The following OR4D9 variants were observed in gnomAD, a reference collection of about 807,000 sequenced individuals.
OR4D9 encodes the protein olfactory receptor 4D9.
Under a neutral mutation model 0.8 loss-of-function variants are expected in OR4D9, and 2 were observed. The ratio of observed to expected loss-of-function variants is 2.58; its 90% CI spans 1.06 to 8.13. The LOEUF (loss-of-function observed/expected upper bound fraction) is 8.13, where lower values mean the gene tolerates loss of function less well. Among genes scored for constraint, OR4D9 ranks in the 30% most tolerant of loss-of-function variants. The pLI is 0.04. For synonymous variants in OR4D9, 146 were observed against 151.2 expected (o/e 0.97, Z 0.25); for missense variants, 399 against 384.7 (o/e 1.04, Z -0.31).
rs569452042 is a variant in OR4D9, at chr11:59,515,694, C to A, written c.782C>A (p.Pro261His). The A allele has an allele frequency of 1.2e-6, 2 of 1,613,986 alleles. No individual in the cohort carries two copies. The highest frequency in any genetic ancestry group is 1.7e-6 in the Non-Finnish European group (2 of 1,180,038). ...FVPCIYVYAR[P>H]FTALPTDTAI... ...CCCTGCATCTATGTCTATGCCCGGCCCTTCACTGCCCTCCCCACAGACACT... is the reference window on the plus strand; with the variant it reads ...CCCTGCATCTATGTCTATGCCCGGCACTTCACTGCCCTCCCCACAGACACT... Residue 261 changes from proline (P) to histidine (H), a missense_variant, in exon 3 of 3, where the codon CCC (proline) becomes CAC (histidine). Physicochemically the swap from Pro to His is moderately conservative, Grantham distance 77. Transcript: ENST00000641962.
rs1859466828 is a variant in OR4D9, at chr11:59,520,684, A to G, written c.*4827A>G. 1 of 152,094 alleles carries G rather than the reference A, an allele frequency of 6.6e-6. No homozygotes were observed. Among genetic ancestry groups the G allele is most frequent in the South Asian group, 2.1e-4 (1 of 4,824 alleles). The allele number at this position is 152,094 out of a possible 1,614,324, so 9.4% of individuals were successfully genotyped here. ...GGGTTTTATTTTTTCTTTTCCTTGCAATGATTGTTACAATGTGCTTTGGAC... is the reference window on the plus strand; with the variant it reads ...GGGTTTTATTTTTTCTTTTCCTTGCGATGATTGTTACAATGTGCTTTGGAC... On this transcript the variant is annotated 3_prime_UTR_variant, in exon 3 of 3. Transcript: ENST00000641962.
Position 59,514,916 on chromosome 11 carries a change from G to A in OR4D9, c.4G>A (p.Asp2Asn). Residue 2 changes from aspartate (D) to asparagine (N), a missense_variant, in exon 3 of 3, where the codon GAT becomes AAT. Coordinates refer to ENST00000641962, the MANE Select transcript of OR4D9 (RefSeq NM_001004711.2). ...CTGATAAAGGATCTGTGATTCAATG[G>A]ATCAGAGAAATTACACCAGAGTGAA... is the stretch of plus-strand genomic sequence containing the variant. MDQRNYTRVKEF... is the reference protein window; with the variant it reads MNQRNYTRVKEF... The A allele has an allele frequency of 6.3e-7, 1 of 1,593,702 alleles. No individual in the cohort carries two copies. The highest frequency in any genetic ancestry group is 8.6e-7 in the Non-Finnish European group (1 of 1,164,018).
In OR4D9 at chr11:59,518,654, T is replaced by A. The variant is rs1859435522; in HGVS notation, c.*2797T>A. 1 of 152,312 alleles carries A rather than the reference T, an allele frequency of 6.6e-6. No homozygotes were observed. Among genetic ancestry groups the A allele is most frequent in the East Asian group, 1.9e-4 (1 of 5,172 alleles). 9.4% of individuals were successfully genotyped at this position (152,312 alleles called of 1,614,324 possible). A position where few individuals can be genotyped will look rare whatever the true frequency, so the allele number is the denominator to read the frequency against. ...CCTCCACTTCAGCCTCCCAAAATGC[T>A]AGAATTACAGGCATGAGACACCTCA... On this transcript the variant is annotated 3_prime_UTR_variant, in exon 3 of 3. Transcript: ENST00000641962.
At position 59,515,749 on chromosome 11, in the gene OR4D9, C is replaced by T. The variant is rs748124965; in HGVS notation, c.837C>T (p.Ser279=). Residue 279 remains serine (S), a synonymous_variant, in exon 3 of 3, where the codon TCC becomes TCT. Transcript: ENST00000641962. ...TAISVTFTVI[S]PLLNPIIYTL... The stretch of plus-strand genomic sequence containing the variant: ...TCTCTGTCACCTTCACTGTCATCTC[C>T]CCTTTGCTCAATCCTATAATTTACA... The T allele has an allele frequency of 5.0e-6, 8 of 1,614,114 alleles. No individual in the cohort carries two copies. The highest frequency in any genetic ancestry group is 8.5e-7 in the Non-Finnish European group (1 of 1,180,028).
chr11:59,515,337 C>G lies in OR4D9; in HGVS notation c.425C>G (p.Thr142Arg). Reference sequence around the variant, plus strand: ...ACCATCATGAGTAGGGGGCGATGCACAGGCCTCATCGTGGCTTCCTGGGTG... The same window carrying G: ...ACCATCATGAGTAGGGGGCGATGCAGAGGCCTCATCGTGGCTTCCTGGGTG... ...YMTIMSRGRCTGLIVASWVGG... is the reference protein window; with the variant it reads ...YMTIMSRGRCRGLIVASWVGG... The change falls in exon 3 of 3, where the codon ACA becomes AGA. Residue 142 changes from threonine (T) to arginine (R), a missense_variant. Physicochemically the swap from Thr to Arg is moderately conservative, Grantham distance 71. Coordinates refer to ENST00000641962, the MANE Select transcript of OR4D9 (RefSeq NM_001004711.2). The G allele has an allele frequency of 1.2e-6, 2 of 1,613,870 alleles. No homozygotes were observed. Among genetic ancestry groups the G allele is most frequent in the South Asian group, 2.2e-5 (2 of 91,034 alleles).
Position 59,520,632 on chromosome 11 carries a change from TA to T in OR4D9, c.*4778del, listed in dbSNP as rs1859465627. 1 of 152,070 alleles carries T rather than the reference TA, an allele frequency of 6.6e-6. No homozygotes were observed. The highest frequency in any genetic ancestry group is 2.4e-5 in the African/African-American group (1 of 41,416). The allele number at this position is 152,070 out of a possible 1,614,324, so 9.4% of individuals were successfully genotyped here. A position where few individuals can be genotyped will look rare whatever the true frequency, so the allele number is the denominator to read the frequency against. On this transcript the variant is annotated 3_prime_UTR_variant, in exon 3 of 3. Coordinates refer to ENST00000641962, the MANE Select transcript of OR4D9 (RefSeq NM_001004711.2). ...TAATAATAACAAAAAAAAGAAAAGA[TA>T]AATGAAGTCAATTGAGGAGATAATA...
chr11:59,515,107 C>T lies in OR4D9; in HGVS notation c.195C>T (p.Asn65=), dbSNP rs771820719. The T allele has an allele frequency of 4.3e-6, 7 of 1,614,034 alleles. No homozygotes were observed. In the Admixed American group the frequency reaches 5.0e-5, roughly 12 times the overall value. Reference sequence around the variant, plus strand: ...CGCCCATGTACTTCCTGCTCCGCAACCTGTCTATTCTTGACATCTGCTTTT... The same window carrying T: ...CGCCCATGTACTTCCTGCTCCGCAATCTGTCTATTCTTGACATCTGCTTTT... The part of the protein sequence containing the change: ...LHTPMYFLLR[N]LSILDICFSS... Residue 65 remains asparagine (N), a synonymous_variant, in exon 3 of 3, where the codon AAC becomes AAT. Coordinates refer to ENST00000641962, the MANE Select transcript of OR4D9 (RefSeq NM_001004711.2).
chr11:59,515,821 A>T lies in OR4D9; in HGVS notation c.909A>T (p.Arg303Ser). ...AGTTGGCCATGAGGAAACTGAAGAG[A>T]CGGCTAGGACAATCAGAAAGGATTT... ...EMKLAMRKLK[R>S]RLGQSERILI... Residue 303 changes from arginine (R) to serine (S), a missense_variant, in exon 3 of 3, where the codon AGA becomes AGT. By Grantham distance (110) the Arg-to-Ser change is moderately radical. Transcript: ENST00000641962. The T allele has an allele frequency of 1.2e-6, 2 of 1,613,846 alleles. No homozygotes were observed. The highest frequency in any genetic ancestry group is 1.7e-6 in the Non-Finnish European group (2 of 1,179,784).
chr11:59,515,714 G>C lies in OR4D9; in HGVS notation c.802G>C (p.Asp268His). Residue 268 changes from aspartate to histidine, a missense_variant, in exon 3 of 3, where the codon GAC (aspartate) becomes CAC (histidine). Asp to His is a moderately conservative substitution (Grantham distance 81). Coordinates refer to ENST00000641962, the MANE Select transcript of OR4D9 (RefSeq NM_001004711.2). Reference protein sequence around the residue: ...YARPFTALPTDTAISVTFTVI... With the variant: ...YARPFTALPTHTAISVTFTVI... ...CCGGCCCTTCACTGCCCTCCCCACA[G>C]ACACTGCCATCTCTGTCACCTTCAC... The C allele has an allele frequency of 6.2e-7, 1 of 1,613,982 alleles. No individual in the cohort carries two copies. Among genetic ancestry groups the C allele is most frequent in the Non-Finnish European group, 8.5e-7 (1 of 1,180,010 alleles).
Position 59,520,453 on chromosome 11 carries a change from A to C in OR4D9, c.*4596A>C. The C allele has an allele frequency of 9.4e-6, 1 of 106,648 alleles. No homozygotes were observed. Among genetic ancestry groups the C allele is most frequent in the Non-Finnish European group, 1.7e-5 (1 of 57,152 alleles). The allele number at this position is 106,648 out of a possible 1,614,324, so 6.6% of individuals were successfully genotyped here. ...GGAAGGGGAACATCACACTCTAGGG[A>C]CTGTTGTGGGGTGGGGGGAGGGGGG... On this transcript the variant is annotated 3_prime_UTR_variant, in exon 3 of 3. Transcript: ENST00000641962.
rs753832398 is a variant in OR4D9, at chr11:59,515,233, G to T, written c.321G>T (p.Leu107=). The change falls in exon 3 of 3, where the codon CTG becomes CTT. Residue 107 remains leucine, a synonymous_variant. Transcript: ENST00000641962. ...CTCAAATGTTCTTCTTCCACCTTCT[G>T]GGGGGAGCAGACGTTTTTTCTCTCT... ...CVTQMFFFHL[L]GGADVFSLSV... 5 of 1,613,550 alleles carry T rather than the reference G, an allele frequency of 3.1e-6. No homozygotes were observed. Among genetic ancestry groups the T allele is most frequent in the Non-Finnish European group, 3.4e-6 (4 of 1,179,916 alleles).
In OR4D9 at chr11:59,515,051, G is replaced by T; in HGVS notation, c.139G>T (p.Val47Phe). 1 of 1,614,056 alleles carries T rather than the reference G, an allele frequency of 6.2e-7. No individual in the cohort carries two copies. Among genetic ancestry groups the T allele is most frequent in the Non-Finnish European group, 8.5e-7 (1 of 1,180,010 alleles). The change falls in exon 3 of 3, where the codon GTT (valine) becomes TTT (phenylalanine). Residue 47 changes from valine to phenylalanine, a missense_variant. Transcript: ENST00000641962. ...TTLMGNFLIM[V>F]TVTCESHLHT... ...TCTAATGGGAAACTTCCTCATCATG[G>T]TTACAGTTACCTGTGAATCTCACCT...
chr11:59,512,292 T>TCCC (rs1859336993), intron 1 of OR4D9, among the ~76,000 whole-genome samples: 1 of 143,684 alleles, frequency 7.0e-6, no homozygotes, highest in African/African-American at 2.6e-5. Context: ...TGATTTTTTT[T>TCCC]CTTTTTTCTT....
chr11:59,519,070 G>T lies in OR4D9; in HGVS notation c.*3213G>T. 1 of 152,298 alleles carries T rather than the reference G, an allele frequency of 6.6e-6. No homozygotes were observed. Among genetic ancestry groups the T allele is most frequent in the Non-Finnish European group, 1.5e-5 (1 of 68,048 alleles). The allele number at this position is 152,298 out of a possible 1,614,324, so 9.4% of individuals were successfully genotyped here. A position where few individuals can be genotyped will look rare whatever the true frequency, so the allele number is the denominator to read the frequency against. On this transcript the variant is annotated 3_prime_UTR_variant, in exon 3 of 3. Coordinates refer to ENST00000641962, the MANE Select transcript of OR4D9 (RefSeq NM_001004711.2). Reference sequence around the variant, plus strand: ...TTAATACATAAAAATGTTTGCTACAGGGCTGGCTGCGGTGGCTCATGCCTG... The same window carrying T: ...TTAATACATAAAAATGTTTGCTACATGGCTGGCTGCGGTGGCTCATGCCTG...
At chr11:59,512,907 AG>A (rs1859348432) in intron 1 of OR4D9, among the ~76,000 whole-genome samples, 1 of 152,228 alleles carries the variant, frequency 6.6e-6, no homozygotes, top group African/African-American at 2.4e-5. Flanking sequence ...TAACTATAAA[AG>A]TAACTTATAA....
At position 59,514,743 on chromosome 11, in the gene OR4D9, G is replaced by A; in HGVS notation, c.-54G>A. 1 of 549,488 alleles carries A rather than the reference G, an allele frequency of 1.8e-6. No homozygotes were observed. Among genetic ancestry groups the A allele is most frequent in the East Asian group, 3.0e-5 (1 of 33,696 alleles). 34.0% of individuals were successfully genotyped at this position (549,488 alleles called of 1,614,324 possible). ...AACCTGGGTAATCTTTCATCCAGTG[G>A]TGGCATACTGACTTGCAGACACAGT... On this transcript the variant is annotated 5_prime_UTR_variant, in exon 2 of 3. In the 5' UTR this introduces an upstream ATG that the reference lacks. Coordinates refer to ENST00000641962, the MANE Select transcript of OR4D9 (RefSeq NM_001004711.2).
chr11:59,516,652 A>G lies in OR4D9; in HGVS notation c.*795A>G, dbSNP rs572240083. On this transcript the variant is annotated 3_prime_UTR_variant, in exon 3 of 3. Coordinates refer to ENST00000641962, the MANE Select transcript of OR4D9 (RefSeq NM_001004711.2). ...CAAGGAAAACAACATGTACTTGTCC[A>G]CATGAGGTGTCTTATGCCTGTAATC... 1 of 152,318 alleles carries G rather than the reference A, an allele frequency of 6.6e-6. No homozygotes were observed. Among genetic ancestry groups the G allele is most frequent in the South Asian group, 2.1e-4 (1 of 4,820 alleles). 9.4% of individuals were successfully genotyped at this position (152,318 alleles called of 1,614,324 possible). A position where few individuals can be genotyped will look rare whatever the true frequency, so the allele number is the denominator to read the frequency against.
In OR4D9 at chr11:59,515,084, C is replaced by T. The variant is rs749112385; in HGVS notation, c.172C>T (p.Pro58Ser). ...TVTCESHLHT[P>S]MYFLLRNLSI... is the part of the protein sequence containing the mutation. ...TACCTGTGAATCTCACCTTCATACG[C>T]CCATGTACTTCCTGCTCCGCAACCT... Residue 58 changes from proline to serine, a missense_variant, in exon 3 of 3, where the codon CCC (proline) becomes TCC (serine). Coordinates refer to ENST00000641962, the MANE Select transcript of OR4D9 (RefSeq NM_001004711.2). 1.2e-6 allele frequency: 2 copies of T among 1,614,040 alleles called. No homozygotes were observed. The highest frequency in any genetic ancestry group is 1.3e-5 in the African/African-American group (1 of 74,912).
rs963776264 is a variant in OR4D9, at chr11:59,516,990, A to T, written c.*1133A>T. On this transcript the variant is annotated 3_prime_UTR_variant, in exon 3 of 3. Transcript: ENST00000641962. ...AGGCTGAGGCGGGAGAATGGCATGA[A>T]CCCGGGAAGCAGAGCTTGCAGTGAG... is the stretch of plus-strand genomic sequence containing the variant. 1 of 151,410 alleles carries T rather than the reference A, an allele frequency of 6.6e-6. No homozygotes were observed. The highest frequency in any genetic ancestry group is 1.5e-5 in the Non-Finnish European group (1 of 67,900). 9.4% of individuals were successfully genotyped at this position (151,410 alleles called of 1,614,324 possible).
Sources: allele counts gnomAD v4.1 joint callset (sites outside exome capture counted in the v4.1 genomes callset), GRCh38; gene constraint gnomAD v4.1.1; transcripts MANE v1.5; gene names NCBI Gene and HGNC (gene_info 2026-07-23, HGNC 2026-07-21).